PRKG2: variants seen among roughly 807,000 people sequenced by gnomAD.
PRKG2 encodes cGMP-dependent protein kinase 2.
In PRKG2, 33 loss-of-function variants were observed where a neutral mutation model predicts 97.2. The observed-to-expected ratio is 0.34, with a 90% confidence interval of 0.26 to 0.45. The LOEUF (loss-of-function observed/expected upper bound fraction) is 0.45. PRKG2 is among the 20% of genes least tolerant of loss of function. The probability of loss-of-function intolerance (pLI) is 1.00; values close to 1 mark genes in which losing one functional copy is unlikely to be tolerated. For missense variants in PRKG2, 638 were observed against 900.0 expected (o/e 0.71, Z 3.73); for synonymous variants, 330 against 321.8 (o/e 1.03, Z -0.27).
At chr4:81,095,461 A>G (rs1279416200) in intron 17 of PRKG2, among the ~76,000 whole-genome samples, 1 of 152,164 alleles carries the variant, frequency 6.6e-6, no homozygotes, top group Non-Finnish European at 1.5e-5. Flanking sequence ...CTTTTAACAT[A>G]TTTTACAATG....
chr4:81,136,906 C>T (rs1217548854), intron 13 of PRKG2, among the ~76,000 whole-genome samples: 1 of 152,100 alleles, frequency 6.6e-6, no homozygotes, highest in African/African-American at 2.4e-5. Context: ...CTCCTGACCC[C>T]CACCGTGCAC....
chr4:81,162,880 T>A (rs1374535025), intron 6 of PRKG2, among the ~76,000 whole-genome samples: 1 of 152,178 alleles, frequency 6.6e-6, no homozygotes, highest in African/African-American at 2.4e-5. Flanking sequence ...CATCACAATT[T>A]CAGTCCTCAT....
chr4:81,109,658 A>T (rs1743705529), intron 15 of PRKG2, among the ~76,000 whole-genome samples: 1 of 152,232 alleles, frequency 6.6e-6, no homozygotes, highest in Non-Finnish European at 1.5e-5. Flanking sequence ...TCATAAAATA[A>T]TCATAATAAA....
intron 2 of PRKG2, among the ~76,000 whole-genome samples, chr4:81,198,243 T>C (rs1211293396): frequency 2.0e-5 from 3 of 152,136 alleles, no homozygotes; most frequent in Non-Finnish European, 4.4e-5. Context: ...GAAGACCATT[T>C]GAGAGGCTGA....
intron 2 of PRKG2, among the ~76,000 whole-genome samples, chr4:81,184,873 A>T (rs1055241764): frequency 4.7e-4 from 71 of 152,330 alleles, no homozygotes; most frequent in Non-Finnish European, 2.4e-4. Context: ...GAATCAATCA[A>T]GCGAAAGAAA....
intron 6 of PRKG2, among the ~76,000 whole-genome samples, chr4:81,154,965 G>C (rs2110063849): frequency 6.6e-6 from 1 of 152,150 alleles, no homozygotes; most frequent in East Asian, 1.9e-4. Context: ...ACGAGGTCAG[G>C]AGATCGAGAC....
intron 9 of PRKG2, among the ~76,000 whole-genome samples, chr4:81,145,827 A>G (rs1181591452): frequency 6.6e-6 from 1 of 152,202 alleles, no homozygotes; most frequent in Non-Finnish European, 1.5e-5. Context: ...CAGTAGAATG[A>G]AAAGAGTGAG....
Position 81,110,520 on chromosome 4 carries a change from A to C in PRKG2, c.1868T>G (p.Leu623Arg). The C allele has an allele frequency of 6.2e-7, 1 of 1,612,566 alleles. No homozygotes were observed. Residue 623 changes from leucine (L) to arginine (R), a missense_variant, in exon 15 of 19, where the codon CTC becomes CGC. Leu to Arg is a moderately radical substitution (Grantham distance 102, BLOSUM62 -2). Coordinates refer to ENST00000264399, the MANE Select transcript of PRKG2 (RefSeq NM_006259.3). The part of the protein sequence containing the change: ...TPEYVAPEVI[L>R]NKGHDFSVDF... Reference sequence around the variant, plus strand: ...CACACTGAAGTCATGTCCCTTGTTGAGAATGACTTCAGGAGCTACATATTC... The same window carrying C: ...CACACTGAAGTCATGTCCCTTGTTGCGAATGACTTCAGGAGCTACATATTC...
At chr4:81,143,015 A>G (rs1180081984) in intron 10 of PRKG2, 68 bp from the exon 11 acceptor site, 1 of 1,497,868 alleles carries the variant, frequency 6.7e-7, no homozygotes, top group Non-Finnish European at 9.0e-7. Context: ...CCATACATAA[A>G]TTTCACTCCT....
chr4:81,214,091 C>A (rs1365510778), intron 1 of PRKG2, among the ~76,000 whole-genome samples: 3 of 141,466 alleles, frequency 2.1e-5, no homozygotes, highest in African/African-American at 7.9e-5. Context: ...GAGACAATTT[C>A]TAAGAAACTC....
At chr4:81,201,580 A>G (rs890278240) in intron 2 of PRKG2, among the ~76,000 whole-genome samples, 1 of 152,220 alleles carries the variant, frequency 6.6e-6, no homozygotes, top group African/African-American at 2.4e-5. Flanking sequence ...AGCTGGCATG[A>G]GCTGGTGGTG....
chr4:81,179,157 A>G (rs1349719108), intron 2 of PRKG2, among the ~76,000 whole-genome samples: 1 of 152,022 alleles, frequency 6.6e-6, no homozygotes, highest in Non-Finnish European at 1.5e-5. Flanking sequence ...AAAAGAAAAA[A>G]GAGTTAGCTT....
chr4:81,141,530 G>A (rs557487613), intron 11 of PRKG2, among the ~76,000 whole-genome samples: 11 of 152,164 alleles, frequency 7.2e-5, no homozygotes, highest in Admixed American at 2.6e-4. Flanking sequence ...CTAGATGCAC[G>A]ATCAAGTATT....
At chr4:81,209,753 AC>A (rs1753872227) in intron 1 of PRKG2, among the ~76,000 whole-genome samples, 1 of 152,164 alleles carries the variant, frequency 6.6e-6, no homozygotes. Flanking sequence ...AACTTATTGA[AC>A]TGAAAACATG....
At chr4:81,102,920 T>G (rs767136574) in intron 17 of PRKG2, among the ~76,000 whole-genome samples, 2 of 151,926 alleles carry the variant, frequency 1.3e-5, no homozygotes, top group Non-Finnish European at 2.9e-5. Flanking sequence ...TATAAAGGAA[T>G]GAGGTGTTTT....
rs1054810531 is a variant in PRKG2 at position 81,160,153 on chromosome 4, C to A, written c.913-6432G>T. Among the ~76,000 whole-genome samples the A allele has an allele frequency of 3.3e-5, 5 of 151,994 alleles. No individual in the cohort carries two copies. In the East Asian group the frequency reaches 7.7e-4, roughly 24 times the overall value. ...AATAAATAAAAAGATAATGTAAGAT[C>A]AAGTGGAGACACATAATTGAAGACA... On this transcript the variant is annotated intron_variant, in intron 6 of 18. Coordinates refer to ENST00000264399, the MANE Select transcript of PRKG2 (RefSeq NM_006259.3).
chr4:81,089,800 T>C lies in PRKG2; in HGVS notation c.2197A>G (p.Lys733Glu). The change falls in exon 19 of 19, where the codon AAG becomes GAG. Residue 733 changes from lysine to glutamate, a missense_variant. Lys to Glu is a moderately conservative substitution (Grantham distance 56, BLOSUM62 1). Coordinates refer to ENST00000264399, the MANE Select transcript of PRKG2 (RefSeq NM_006259.3). ...AAGTAGCTGTGATCTATGGGTCCCT[T>C]GAGCTAATATAGAAATAATTAAAAC... ...SLPSPLQREL[K>E]GPIDHSYFDK... 1.9e-6 allele frequency: 3 copies of C among 1,596,682 alleles called. No homozygotes were observed. The highest frequency in any genetic ancestry group is 2.6e-6 in the Non-Finnish European group (3 of 1,164,264).
intron 6 of PRKG2, among the ~76,000 whole-genome samples, chr4:81,155,619 C>T (rs1749007900): frequency 6.6e-6 from 1 of 151,746 alleles, no homozygotes; most frequent in South Asian, 2.1e-4. Context: ...CACCAAGACA[C>T]ATAATTGTCA....
At chr4:81,101,368 A>G (rs1372553039) in intron 17 of PRKG2, among the ~76,000 whole-genome samples, 1 of 152,228 alleles carries the variant, frequency 6.6e-6, no homozygotes, top group Admixed American at 6.5e-5. Flanking sequence ...CATATATACC[A>G]TGGAACACTA....
Sources: allele counts gnomAD v4.1 joint callset (sites outside exome capture counted in the v4.1 genomes callset), GRCh38; gene constraint gnomAD v4.1.1; transcripts MANE v1.5; gene names NCBI Gene and HGNC (gene_info 2026-07-23, HGNC 2026-07-21).